The following BEGAIN variants were observed in gnomAD, a reference collection of about 807,000 sequenced individuals.
BEGAIN encodes brain-enriched guanylate kinase-associated protein.
BEGAIN carries 19 observed loss-of-function variants against 35.8 expected under a neutral mutation model. The ratio of observed to expected loss-of-function variants is 0.53; its 90% confidence interval spans 0.37 to 0.78. The LOEUF (loss-of-function observed/expected upper bound fraction) is 0.78, where lower values mean the gene tolerates loss of function less well. Ranked by LOEUF, BEGAIN falls within the 30% of genes least tolerant of loss-of-function variation. The pLI, the probability that BEGAIN is intolerant of heterozygous loss-of-function variation, is 0.00. For missense variants in BEGAIN, 795 were observed against 853.6 expected (o/e 0.93, Z 0.85); for synonymous variants, 462 against 388.6 (o/e 1.19, Z -2.22).
intron 4 of BEGAIN, among the ~76,000 whole-genome samples, chr14:100,544,725 C>CCGTTCCCA (rs1322294159): frequency 6.6e-6 from 1 of 152,124 alleles, no homozygotes; most frequent in Non-Finnish European, 1.5e-5. Flanking sequence ...GCTGGGGGGC[C>CCGTTCCCA]CGTTCCCAGT....
intron 1 of BEGAIN, among the ~76,000 whole-genome samples, chr14:100,569,951 A>ACGG (rs905854647): frequency 3.5e-4 from 53 of 152,194 alleles, no homozygotes; most frequent in African/African-American, 1.2e-3. Flanking sequence ...AGCGCTTCCC[A>ACGG]CGGCTCCTCA....
In BEGAIN at chr14:100,568,186, C is replaced by G. The variant is rs1398056841; in HGVS notation, c.43-247G>C. The G allele has an allele frequency of 4.9e-6, 4 of 813,520 alleles. No homozygotes were observed. The highest frequency in any genetic ancestry group is 6.0e-6 in the Non-Finnish European group (4 of 667,474). 50.4% of individuals were successfully genotyped at this position (813,520 alleles called of 1,614,324 possible). ...GCCGCGCTCCCCGCACCGAGTTACG[C>G]CCCCCGGGGCGAAGAAGGGGCCGGC... On this transcript the variant is annotated intron_variant, in intron 1 of 6. Transcript: ENST00000554140. The surrounding 1 kb of genome is among the most constrained non-coding windows in gnomAD (Gnocchi z 7.5).
intron 2 of BEGAIN, among the ~76,000 whole-genome samples, chr14:100,559,482 C>T (rs543199517): frequency 6.6e-6 from 1 of 152,364 alleles, no homozygotes; most frequent in East Asian, 1.9e-4. Flanking sequence ...GCGCCTGCCA[C>T]CTGCCCTGGT....
In BEGAIN at chr14:100,567,517, G is replaced by A. The variant is rs2034800576; in HGVS notation, c.71+394C>T. Among the ~76,000 whole-genome samples, 2 of 152,160 alleles carry A rather than the reference G, an allele frequency of 1.3e-5. No individual in the cohort carries two copies. Among genetic ancestry groups the A allele is most frequent in the Admixed American group, 1.3e-4 (2 of 15,308 alleles). On this transcript the variant is annotated intron_variant, in intron 2 of 6. Coordinates refer to ENST00000554140, the MANE Select transcript of BEGAIN (RefSeq NM_001385089.1). This position sits in a 1 kb window ranked among gnomAD's most constrained non-coding sequence, Gnocchi z 5.1. ...GGTGGTTGGGGGTGGGGTGGGGTCG[G>A]GGGAGAGAGCGCCGGGGCAGTGCGG...
intron 2 of BEGAIN, among the ~76,000 whole-genome samples, chr14:100,562,803 T>C (rs2034380514): frequency 6.6e-6 from 1 of 152,142 alleles, no homozygotes; most frequent in East Asian, 1.9e-4. Flanking sequence ...TTCCTTTCTT[T>C]TTGTCCCCGC....
intron 3 of BEGAIN, chr14:100,545,515 A>G: frequency 1.2e-6 from 1 of 857,258 alleles, no homozygotes; most frequent in Non-Finnish European, 1.4e-6. Context: ...ACAGTGAACA[A>G]GACTCGGTTC....
Position 100,567,828 on chromosome 14 carries a change from G to C in BEGAIN, c.71+83C>G. ...GGGCCCTGGGGGATGCGCTCGGGTG[G>C]AGCCCCCTTCCCCCGCCTTCCCCAG... On this transcript the variant is annotated intron_variant, in intron 2 of 6. Coordinates refer to ENST00000554140, the MANE Select transcript of BEGAIN (RefSeq NM_001385089.1). The surrounding 1 kb of genome is among the most constrained non-coding windows in gnomAD (Gnocchi z 5.1). 3.6e-6 allele frequency: 5 copies of C among 1,375,410 alleles called. No individual in the cohort carries two copies. Among genetic ancestry groups the C allele is most frequent in the Non-Finnish European group, 4.8e-6 (5 of 1,034,502 alleles). The allele number at this position is 1,375,410 out of a possible 1,614,324, so 85.2% of individuals were successfully genotyped here. A position where few individuals can be genotyped will look rare whatever the true frequency, so the allele number is the denominator to read the frequency against.
At chr14:100,561,505 T>C (rs2034252635) in intron 2 of BEGAIN, among the ~76,000 whole-genome samples, 1 of 152,054 alleles carries the variant, frequency 6.6e-6, no homozygotes, top group African/African-American at 2.4e-5. Context: ...TCCCAGCACT[T>C]TGGGAGGCCG....
chr14:100,541,280 G>T (rs1191911598), intron 5 of BEGAIN, among the ~76,000 whole-genome samples: 1 of 152,380 alleles, frequency 6.6e-6, no homozygotes, highest in Admixed American at 6.5e-5. Context: ...GGTCCCCACT[G>T]CGAGGGCTCT....
At position 100,546,521 on chromosome 14, in the gene BEGAIN, C is replaced by G. The variant is rs368291989; in HGVS notation, c.213G>C (p.Lys71Asn). ...ELRRAQEELE[K>N]VTEKLRRIQS... ...CTCACCTGCGCAGCTTCTCCGTGACCTTCTCCAGTTCCTCCTGCGCGCGCC... is the reference window on the plus strand; with the variant it reads ...CTCACCTGCGCAGCTTCTCCGTGACGTTCTCCAGTTCCTCCTGCGCGCGCC... Residue 71 changes from lysine to asparagine, a missense_variant, in exon 3 of 7, where the codon AAG becomes AAC. Transcript: ENST00000554140. The G allele has an allele frequency of 1.3e-6, 2 of 1,564,430 alleles. No homozygotes were observed. The highest frequency in any genetic ancestry group is 1.7e-6 in the Non-Finnish European group (2 of 1,162,546).
At chr14:100,570,947 G>A (rs1447508224) in intron 1 of BEGAIN, among the ~76,000 whole-genome samples, 1 of 152,176 alleles carries the variant, frequency 6.6e-6, no homozygotes, top group Non-Finnish European at 1.5e-5. Context: ...TGGGTCTTGG[G>A]CCAGTGGGTG....
chr14:100,577,310 C>T (rs1595151532), intron 1 of BEGAIN: 2 of 399,050 alleles, frequency 5.0e-6, no homozygotes, highest in East Asian at 7.1e-5. Flanking sequence ...TTGAGACTCA[C>T]CCGACCTGGA....
At chr14:100,544,880 AG>A in intron 4 of BEGAIN, 119 bp downstream of exon 4, 1 of 989,992 alleles carries the variant, frequency 1.0e-6, no homozygotes, top group Non-Finnish European at 1.6e-6. Flanking sequence ...CCATGGAGAA[AG>A]GGGTGGGACC....
At chr14:100,584,348 C>T (rs1169214366) in intron 1 of BEGAIN, among the ~76,000 whole-genome samples, 2 of 152,188 alleles carry the variant, frequency 1.3e-5, no homozygotes, top group African/African-American at 4.8e-5. Context: ...TCAAGGCCTG[C>T]TGAGGCAAGG....
intron 2 of BEGAIN, among the ~76,000 whole-genome samples, chr14:100,565,723 C>A (rs931036768): frequency 1.3e-5 from 2 of 152,184 alleles, no homozygotes; most frequent in Admixed American, 1.3e-4. Context: ...CCCAGAGACC[C>A]TCTACCTGGG....
At chr14:100,584,328 T>A (rs2035388837) in intron 1 of BEGAIN, among the ~76,000 whole-genome samples, 1 of 152,160 alleles carries the variant, frequency 6.6e-6, no homozygotes, top group South Asian at 2.1e-4. Context: ...TGCTGTACTG[T>A]CCTCCAGACT....
intron 1 of BEGAIN, among the ~76,000 whole-genome samples, chr14:100,582,197 T>A (rs2035332500): frequency 6.6e-6 from 1 of 152,174 alleles, no homozygotes; most frequent in Non-Finnish European, 1.5e-5. Flanking sequence ...CAGGCTAGAG[T>A]GCAGTGGCGC....
chr14:100,540,195 T>C, intron 6 of BEGAIN: 1 of 428,706 alleles, frequency 2.3e-6, no homozygotes, highest in Non-Finnish European at 4.2e-6. Context: ...CTCTGCCGTG[T>C]CAGCGCTCAG....
intron 1 of BEGAIN, among the ~76,000 whole-genome samples, chr14:100,576,193 G>A (rs1167669209): frequency 1.3e-5 from 2 of 152,092 alleles, no homozygotes; most frequent in African/African-American, 4.8e-5. Context: ...ACAGGGAAAG[G>A]GCTGGCAGGG....
Sources: allele counts gnomAD v4.1 joint callset (sites outside exome capture counted in the v4.1 genomes callset), GRCh38; gene constraint gnomAD v4.1.1; non-coding constraint Gnocchi (gnomAD v3.1); transcripts MANE v1.5; gene names NCBI Gene and HGNC (gene_info 2026-07-23, HGNC 2026-07-21).